Variants in CPXM2 observed in about 807,000 individuals in gnomAD.
The protein encoded by CPXM2 is inactive carboxypeptidase-like protein X2.
CPXM2 carries 66 observed loss-of-function variants against 86.1 expected under a neutral mutation model. The ratio of observed to expected loss-of-function variants is 0.77; its 90% CI spans 0.63 to 0.94. The LOEUF (loss-of-function observed/expected upper bound fraction) is 0.94. Ranked by LOEUF, CPXM2 falls within the 40% of genes least tolerant of loss-of-function variation. CPXM2 has a pLI of 0.00. For synonymous variants in CPXM2, 388 were observed against 400.2 expected, an observed-to-expected ratio of 0.97 and a Z score of 0.36; for missense variants, 948 against 1,026.3, an observed-to-expected ratio of 0.92 and a Z score of 1.04.
At chr10:123,787,579 A>C (rs1391239775) in intron 6 of CPXM2, among the ~76,000 whole-genome samples, 1 of 152,128 alleles carries the variant, frequency 6.6e-6, no homozygotes, top group East Asian at 1.9e-4. Flanking sequence ...GGTGATTTGT[A>C]CATGGGACTA....
intron 2 of CPXM2, among the ~76,000 whole-genome samples, chr10:123,867,322 A>G (rs778056090): frequency 2.6e-5 from 4 of 152,238 alleles, no homozygotes; most frequent in Non-Finnish European, 4.4e-5. Flanking sequence ...GGATTTTCCT[A>G]TGCTAAAGAA....
Position 123,746,913 on chromosome 10 carries a change from C to CA in CPXM2, c.2121dup (p.Asp708Ter). ...AAGTCACACCTTGTGGCCCCCATGT[C>CA]ATAGCCAACCATACAGTTCTTGGTG... On this transcript the variant is annotated frameshift_variant, in exon 14 of 14. Coordinates refer to ENST00000241305, the MANE Select transcript of CPXM2 (RefSeq NM_198148.3). LOFTEE classifies it high-confidence loss of function. 1 of 1,614,186 alleles carries CA rather than the reference C, an allele frequency of 6.2e-7. No individual in the cohort carries two copies.
At chr10:123,905,567 C>T (rs535411176) in intron 2 of CPXM2, among the ~76,000 whole-genome samples, 5 of 152,258 alleles carry the variant, frequency 3.3e-5, no homozygotes, top group South Asian at 2.1e-4. Flanking sequence ...TGCCAATGAC[C>T]GAGGGATGGC....
rs540185506 is a variant in CPXM2, at chr10:123,754,996, C to A, written c.1918-234G>T. On this transcript the variant is annotated intron_variant, in intron 12 of 13. Transcript: ENST00000241305. This position sits in a 1 kb window ranked among gnomAD's most constrained non-coding sequence, Gnocchi z 4.0. ...AAGAAAAGTGAACTTATTTCTGAAG[C>A]TAGCATTAGGGAAGCATCCTGCTTT... is the stretch of plus-strand genomic sequence containing the variant. Among the ~76,000 whole-genome samples the A allele has an allele frequency of 1.3e-5, 2 of 152,244 alleles. No homozygotes were observed. Among genetic ancestry groups the A allele is most frequent in the Admixed American group, 6.5e-5 (1 of 15,288 alleles).
At chr10:123,782,538 T>A (rs1191804113) in intron 6 of CPXM2, among the ~76,000 whole-genome samples, 1 of 152,200 alleles carries the variant, frequency 6.6e-6, no homozygotes, top group Admixed American at 6.5e-5. Context: ...GTCACCCACA[T>A]TTTGAACAAA....
rs890031966 is a variant in CPXM2 at position 123,885,321 on chromosome 10, C to T, written c.305-5012G>A. 3.3e-5 allele frequency among the ~76,000 whole-genome samples: 5 copies of T among 152,088 alleles called. No individual in the cohort carries two copies. Among genetic ancestry groups the T allele is most frequent in the African/African-American group, 4.8e-5 (2 of 41,410 alleles). On this transcript the variant is annotated intron_variant, in intron 1 of 13. Transcript: ENST00000241305. The surrounding 1 kb of genome is among the most constrained non-coding windows in gnomAD (Gnocchi z 4.0). Reference sequence around the variant, plus strand: ...AAGGCTGGGCATTGACCCCTCCAATCGTACACCTCCTCCAAAAGCTCGGGT... The same window carrying T: ...AAGGCTGGGCATTGACCCCTCCAATTGTACACCTCCTCCAAAAGCTCGGGT...
chr10:123,751,997 A>G lies in CPXM2; in HGVS notation c.2017+2666T>C, dbSNP rs769301677. On this transcript the variant is annotated intron_variant, in intron 13 of 13. Transcript: ENST00000241305. ...GCTTATGAGGCCCCAGGGTCTTTTT[A>G]TCTCCCACTCAGTTCAAAACTCCCA... 1,403 of 985,388 alleles carry G rather than the reference A, an allele frequency of 1.4e-3. 2 individuals are homozygous for G. The highest frequency in any genetic ancestry group is 2.7e-3 in the Admixed American group (44 of 16,284). 61.0% of individuals were successfully genotyped at this position (985,388 alleles called of 1,614,324 possible).
chr10:123,917,144 T>C (rs993523247), intron 2 of CPXM2, among the ~76,000 whole-genome samples: 15 of 152,012 alleles, frequency 9.9e-5, no homozygotes, highest in African/African-American at 2.4e-4. Context: ...GAGTAGGAGA[T>C]GAAAATAGAT....
At chr10:123,862,751 C>T in intron 2 of CPXM2, 28 bp from the exon 3 acceptor site, 1 of 1,573,044 alleles carries the variant, frequency 6.4e-7, no homozygotes, top group Non-Finnish European at 8.8e-7. Flanking sequence ...TTGTTAAAAA[C>T]AACGACAGAT....
chr10:123,845,323 G>GA (rs369921032), intron 3 of CPXM2, among the ~76,000 whole-genome samples: 3,311 of 141,816 alleles, frequency 0.023, 111 homozygotes, highest in African/African-American at 0.076. Flanking sequence ...ATAACAAACA[G>GA]AAAAAAAAAA....
At chr10:123,912,313 G>C (rs1590118778) in intron 2 of CPXM2, among the ~76,000 whole-genome samples, 2 of 120,706 alleles carry the variant, frequency 1.7e-5, no homozygotes, top group East Asian at 3.3e-4. Context: ...GTGGGCGGGG[G>C]GGGGGGGGCA....
chr10:123,882,047 C>G (rs1945101264), intron 1 of CPXM2, among the ~76,000 whole-genome samples: 1 of 152,186 alleles, frequency 6.6e-6, no homozygotes, highest in African/African-American at 2.4e-5. Context: ...CTGGTGGATT[C>G]TGCCAATAAT....
Position 123,798,014 on chromosome 10 carries a change from A to G in CPXM2, c.851T>C (p.Ile284Thr). Residue 284 changes from isoleucine (I) to threonine (T), a missense_variant, in exon 6 of 14, where the codon ATC becomes ACC. Coordinates refer to ENST00000241305, the MANE Select transcript of CPXM2 (RefSeq NM_198148.3). Reference sequence around the variant, plus strand: ...GCCCAGGATCTCCATTCTCATGCAGATGCTCCCATTATCAAACCAGGACTG... The same window carrying G: ...GCCCAGGATCTCCATTCTCATGCAGGTGCTCCCATTATCAAACCAGGACTG... ...NPQSWFDNGS[I>T]CMRMEILGCP... 1 of 1,610,616 alleles carries G rather than the reference A, an allele frequency of 6.2e-7. No homozygotes were observed. Among genetic ancestry groups the G allele is most frequent in the Non-Finnish European group, 8.5e-7 (1 of 1,178,252 alleles).
intron 2 of CPXM2, among the ~76,000 whole-genome samples, chr10:123,879,635 G>T (rs1210902191): frequency 6.6e-6 from 1 of 152,116 alleles, no homozygotes; most frequent in African/African-American, 2.4e-5. Flanking sequence ...AGATAATAAT[G>T]ATACAATAAT....
intron 12 of CPXM2, among the ~76,000 whole-genome samples, chr10:123,756,915 G>A (rs139537963): frequency 9.2e-5 from 14 of 152,322 alleles, no homozygotes; most frequent in Admixed American, 5.2e-4. Context: ...AGACTGAGAC[G>A]AGGGGCCTGG....
chr10:123,848,655 G>A (rs751800589), intron 3 of CPXM2, among the ~76,000 whole-genome samples: 8 of 152,126 alleles, frequency 5.3e-5, no homozygotes, highest in African/African-American at 1.9e-4. Flanking sequence ...CATTAACATT[G>A]TATATCTATG....
At chr10:123,758,959 G>C (rs1846275891) in intron 11 of CPXM2, among the ~76,000 whole-genome samples, 1 of 152,136 alleles carries the variant, frequency 6.6e-6, no homozygotes, top group Non-Finnish European at 1.5e-5. Flanking sequence ...TCTGCTGCCT[G>C]GTCACTGAAG....
chr10:123,831,620 G>C (rs1343928722), intron 4 of CPXM2, among the ~76,000 whole-genome samples: 3 of 152,130 alleles, frequency 2.0e-5, no homozygotes, highest in African/African-American at 7.2e-5. Flanking sequence ...GCCCTGAAGA[G>C]AGTCCCTGTT....
chr10:123,810,542 G>A (rs1847667368), intron 4 of CPXM2, among the ~76,000 whole-genome samples: 1 of 152,024 alleles, frequency 6.6e-6, no homozygotes, highest in Admixed American at 6.6e-5. Context: ...TCAGCAAGAT[G>A]GCTGGACATA....
Sources: gnomAD v4.1 joint callset for allele counts (sites outside exome capture counted in the v4.1 genomes callset) on GRCh38, gnomAD v4.1.1 for gene constraint, Gnocchi (gnomAD v3.1) non-coding constraint, MANE v1.5 for transcripts, NCBI Gene and HGNC (gene_info 2026-07-23, HGNC 2026-07-21) for gene names.